MRLN: variants seen among roughly 807,000 people sequenced by gnomAD.
MRLN encodes myoregulin, also known as Linc-RNA activator of myogenesis.
rs563277839 is a variant in MRLN, at chr10:59,743,825, T to C, written c.-124-5263A>G. The stretch of plus-strand genomic sequence containing the variant: ...GATTGCAGGTGCGCGCCGCCACGCC[T>C]GACTGGTTTTCGTATTTTTTGGTGG... On this transcript the variant is annotated intron_variant, in intron 1 of 2. Transcript: ENST00000414264. Among the ~76,000 whole-genome samples, 4 of 152,286 alleles carry C rather than the reference T, an allele frequency of 2.6e-5. No homozygotes were observed. The South Asian group carries it at 8.3e-4, about 32-fold the overall frequency.
intron 1 of MRLN, among the ~76,000 whole-genome samples, chr10:59,750,063 T>A (rs1461783352): frequency 2.2e-4 from 1 of 4,624 alleles, no homozygotes; most frequent in Non-Finnish European, 3.9e-4. Context: ...TCTCTCTCTC[T>A]TTTTTTTTTT....
chr10:59,749,026 A>G (rs10128501), intron 1 of MRLN, among the ~76,000 whole-genome samples: 71,165 of 152,004 alleles, frequency 0.47, 17,171 homozygotes, highest in African/African-American at 0.57. Flanking sequence ...GATCTGAACC[A>G]GATGGAACCA....
At chr10:59,747,669 C>T (rs561059176) in intron 1 of MRLN, among the ~76,000 whole-genome samples, 2 of 152,258 alleles carry the variant, frequency 1.3e-5, no homozygotes, top group East Asian at 1.9e-4. Flanking sequence ...CCGACTTGTC[C>T]GTAACATGTT....
chr10:59,737,005 A>C lies in MRLN; in HGVS notation c.*55T>G. 2.6e-6 allele frequency: 1 copy of C among 389,040 alleles called. No individual in the cohort carries two copies. Among genetic ancestry groups the C allele is most frequent in the Non-Finnish European group, 4.6e-6 (1 of 219,692 alleles). The allele number at this position is 389,040 out of a possible 1,614,324, so 24.1% of individuals were successfully genotyped here. On this transcript the variant is annotated 3_prime_UTR_variant, in exon 3 of 3. Transcript: ENST00000414264. ...GAGTCACTCAACAAGTTAAAATACAAATTTTTATTCACTGTAATTCAGTTT... is the reference window on the plus strand; with the variant it reads ...GAGTCACTCAACAAGTTAAAATACACATTTTTATTCACTGTAATTCAGTTT...
At position 59,737,159 on chromosome 10, in the gene MRLN, G is replaced by A; in HGVS notation, c.42C>T (p.Pro14=). The change falls in exon 3 of 3, where the codon CCC becomes CCT. Residue 14 remains proline, a synonymous_variant. Coordinates refer to ENST00000414264, the MANE Select transcript of MRLN (RefSeq NM_001304731.2). ...KNWILISTTT[P]KSLEDEIVGR... ...CCACAATTTCATCTTCTAGACTTTTGGGAGTAGTAGTAGAAATTAATATCC... is the reference window on the plus strand; with the variant it reads ...CCACAATTTCATCTTCTAGACTTTTAGGAGTAGTAGTAGAAATTAATATCC... The A allele has an allele frequency of 2.5e-6, 1 of 398,016 alleles. No homozygotes were observed. The highest frequency in any genetic ancestry group is 4.4e-6 in the Non-Finnish European group (1 of 225,468). 24.7% of individuals were successfully genotyped at this position (398,016 alleles called of 1,614,324 possible).
intron 1 of MRLN, among the ~76,000 whole-genome samples, chr10:59,741,475 C>G (rs958908151): frequency 1.3e-5 from 2 of 152,088 alleles, no homozygotes; most frequent in African/African-American, 4.8e-5. Flanking sequence ...CTCGACCTCC[C>G]AGGCTCAAGC....
At chr10:59,738,874 C>A (rs1840950972) in intron 1 of MRLN, 1 of 152,206 alleles carries the variant, frequency 6.6e-6, no homozygotes, top group African/African-American at 2.4e-5. Context: ...GTAATCCCAG[C>A]ACTTTGGAAG....
At chr10:59,745,237 T>C (rs1328217627) in intron 1 of MRLN, among the ~76,000 whole-genome samples, 2 of 152,220 alleles carry the variant, frequency 1.3e-5, no homozygotes, top group Non-Finnish European at 2.9e-5. Context: ...GGATGAAATA[T>C]TTCCTAGTTT....
intron 1 of MRLN, among the ~76,000 whole-genome samples, chr10:59,752,376 T>C (rs1420181194): frequency 1.3e-5 from 2 of 152,238 alleles, no homozygotes; most frequent in African/African-American, 2.4e-5. Flanking sequence ...TGGCTTCTTA[T>C]ATACACTGAG....
chr10:59,743,718 G>T (rs908137628), intron 1 of MRLN, among the ~76,000 whole-genome samples: 4 of 152,020 alleles, frequency 2.6e-5, no homozygotes, highest in African/African-American at 9.7e-5. Flanking sequence ...ATGCCCAGCC[G>T]AGGCTGGACT....
chr10:59,743,064 T>C (rs943549830), intron 1 of MRLN, among the ~76,000 whole-genome samples: 1 of 152,110 alleles, frequency 6.6e-6, no homozygotes, highest in Non-Finnish European at 1.5e-5. Context: ...TTAGACTTCA[T>C]AATTAAAATA....
chr10:59,749,374 C>A (rs1293785152), intron 1 of MRLN, among the ~76,000 whole-genome samples: 1 of 152,210 alleles, frequency 6.6e-6, no homozygotes, highest in African/African-American at 2.4e-5. Flanking sequence ...GCCTTAGCCA[C>A]TGCAATATTG....
intron 1 of MRLN, among the ~76,000 whole-genome samples, chr10:59,745,535 T>C (rs1042597529): frequency 7.3e-6 from 1 of 137,478 alleles, no homozygotes; most frequent in Non-Finnish European, 1.5e-5. Context: ...GCCTTTCTTT[T>C]CCTCATTTCT....
At chr10:59,741,938 G>A (rs1041020787) in intron 1 of MRLN, among the ~76,000 whole-genome samples, 3 of 152,148 alleles carry the variant, frequency 2.0e-5, no homozygotes, top group African/African-American at 2.4e-5. Flanking sequence ...ACAGGAGTGC[G>A]ATTCTAGCTC....
At chr10:59,751,936 A>C (rs1017160456) in intron 1 of MRLN, among the ~76,000 whole-genome samples, 3 of 152,242 alleles carry the variant, frequency 2.0e-5, no homozygotes, top group African/African-American at 7.2e-5. Context: ...CTAATGTGGC[A>C]AGGGTGGAAA....
chr10:59,736,831 C>T lies in MRLN; in HGVS notation c.*229G>A, dbSNP rs1840929772. 1 of 209,752 alleles carries T rather than the reference C, an allele frequency of 4.8e-6. No individual in the cohort carries two copies. The highest frequency in any genetic ancestry group is 9.4e-6 in the Non-Finnish European group (1 of 106,142). The allele number at this position is 209,752 out of a possible 1,614,324, so 13.0% of individuals were successfully genotyped here. The stretch of plus-strand genomic sequence containing the variant: ...GGCTAAAAATCTAGAAGTTTCATGA[C>T]TCAGTAGGATAGATGTTTTTGGGGA... On this transcript the variant is annotated 3_prime_UTR_variant, in exon 3 of 3. Coordinates refer to ENST00000414264, the MANE Select transcript of MRLN (RefSeq NM_001304731.2).
Position 59,737,161 on chromosome 10 carries a change from G to T in MRLN, c.40C>A (p.Pro14Thr). Residue 14 changes from proline to threonine, a missense_variant, in exon 3 of 3, where the codon CCC becomes ACC. Pro to Thr is a conservative substitution (Grantham distance 38). Coordinates refer to ENST00000414264, the MANE Select transcript of MRLN (RefSeq NM_001304731.2). ...ACAATTTCATCTTCTAGACTTTTGG[G>T]AGTAGTAGTAGAAATTAATATCCAG... The part of the protein sequence containing the change: ...KNWILISTTT[P>T]KSLEDEIVGR... 1 of 398,066 alleles carries T rather than the reference G, an allele frequency of 2.5e-6. No individual in the cohort carries two copies. Among genetic ancestry groups the T allele is most frequent in the South Asian group, 1.3e-4 (1 of 7,852 alleles). The allele number at this position is 398,066 out of a possible 1,614,324, so 24.7% of individuals were successfully genotyped here. A position where few individuals can be genotyped will look rare whatever the true frequency, so the allele number is the denominator to read the frequency against.
At chr10:59,746,911 T>C (rs1589018815) in intron 1 of MRLN, among the ~76,000 whole-genome samples, 1 of 152,226 alleles carries the variant, frequency 6.6e-6, no homozygotes, top group African/African-American at 2.4e-5. Flanking sequence ...GTGATTCTCC[T>C]GCCTCAGCCT....
intron 1 of MRLN, among the ~76,000 whole-genome samples, chr10:59,750,161 C>T (rs1419949059): frequency 2.0e-5 from 3 of 148,372 alleles, no homozygotes; most frequent in African/African-American, 7.4e-5. Flanking sequence ...CAACCTCCGC[C>T]TCCTGGGTTT....
Sources: gnomAD v4.1 joint callset for allele counts (sites outside exome capture counted in the v4.1 genomes callset) on GRCh38, gnomAD v4.1.1 for gene constraint, MANE v1.5 for transcripts, NCBI Gene and HGNC (gene_info 2026-07-23, HGNC 2026-07-21) for gene names.